Variants in PMM2 observed in about 807,000 individuals in gnomAD.
The protein encoded by PMM2 is phosphomannomutase 2.
A neutral mutation model predicts 33.2 loss-of-function variants in PMM2; 35 were observed. The observed-to-expected ratio is 1.06, with a 90% CI of 0.81 to 1.40. The LOEUF (loss-of-function observed/expected upper bound fraction) is 1.40, where lower values mean the gene tolerates loss of function less well. PMM2 is among the 40% of genes most tolerant of loss of function. The probability of loss-of-function intolerance (pLI) is 0.00; values close to 1 mark genes in which losing one functional copy is unlikely to be tolerated. For synonymous variants in PMM2, 153 were observed against 114.7 expected (o/e 1.33, Z -2.13); for missense variants, 386 against 306.0 (o/e 1.26, Z -1.95).
intron 7 of PMM2, among the ~76,000 whole-genome samples, chr16:8,835,616 C>G (rs982663619): frequency 1.3e-5 from 2 of 151,988 alleles, no homozygotes; most frequent in African/African-American, 2.4e-5. Context: ...TGGTTGATAA[C>G]GCGCAGATTC....
At chr16:8,838,313 T>C (rs183636346) in intron 7 of PMM2, among the ~76,000 whole-genome samples, 20 of 152,238 alleles carry the variant, frequency 1.3e-4, no homozygotes, top group Non-Finnish European at 2.6e-4. Flanking sequence ...ACTTCTTTTG[T>C]GGATCTTCAT....
chr16:8,813,211 C>G, intron 7 of PMM2, 105 bp downstream of exon 7: 1 of 788,516 alleles, frequency 1.3e-6, no homozygotes, highest in Non-Finnish European at 2.3e-6. Flanking sequence ...CCCACCCGCC[C>G]TGCTCAAACT....
chr16:8,839,484 G>A (rs1056227345), intron 7 of PMM2, among the ~76,000 whole-genome samples: 1 of 151,972 alleles, frequency 6.6e-6, no homozygotes, highest in African/African-American at 2.4e-5. Context: ...ATGAGAAAAC[G>A]TTGAGTATCT....
chr16:8,811,003 AT>A, intron 4 of PMM2, 75 bp from the exon 5 acceptor site: 1 of 830,152 alleles, frequency 1.2e-6, no homozygotes, highest in Non-Finnish European at 2.0e-6. Context: ...ATTTCCCAAG[AT>A]TTTAGGCTGT....
intron 4 of PMM2, chr16:8,809,339 A>G (rs889633955): frequency 6.6e-6 from 1 of 152,270 alleles, no homozygotes. Context: ...TTTTCACTGC[A>G]TAGTTTGTCA....
chr16:8,816,474 C>G (rs1272040679), intron 7 of PMM2, among the ~76,000 whole-genome samples: 2 of 151,464 alleles, frequency 1.3e-5, no homozygotes, highest in Non-Finnish European at 2.9e-5. Flanking sequence ...GGTGCGGTGG[C>G]TCACACCTAT....
At chr16:8,816,021 A>G (rs1466960787) in intron 7 of PMM2, among the ~76,000 whole-genome samples, 9 of 152,222 alleles carry the variant, frequency 5.9e-5, no homozygotes, top group Non-Finnish European at 1.3e-4. Flanking sequence ...CAAAGAAGAC[A>G]TGCAGATGGC....
chr16:8,798,820 A>G lies in PMM2; in HGVS notation c.66+872A>G, dbSNP rs150174406. On this transcript the variant is annotated intron_variant, in intron 1 of 7. Transcript: ENST00000268261. ...GGACCCCAATGGTCTCACTATCCTC[A>G]GCTTCTACCCTCACCCCTCATAGTT... Among the ~76,000 whole-genome samples the G allele has an allele frequency of 2.5e-3, 380 of 152,228 alleles. 3 individuals are homozygous for G. The highest frequency in any genetic ancestry group is 8.7e-3 in the African/African-American group (363 of 41,548).
intron 7 of PMM2, among the ~76,000 whole-genome samples, chr16:8,824,377 A>C (rs1335997450): frequency 2.6e-5 from 4 of 152,196 alleles, no homozygotes; most frequent in Non-Finnish European, 4.4e-5. Flanking sequence ...TGGGTAACAA[A>C]AGTCTCAGGA....
chr16:8,802,064 C>A, intron 2 of PMM2, 154 bp downstream of exon 2: 1 of 636,904 alleles, frequency 1.6e-6, no homozygotes, highest in East Asian at 3.2e-5. Flanking sequence ...TTTGCTTTTC[C>A]TCTGCTTTTA....
In PMM2 at chr16:8,847,951, A is replaced by T; in HGVS notation, c.*126A>T. ...CTAGGCAGGCTCTGCATGCTATGCCAGGCATGTGCAGTCTGGACTTCCACC... is the reference window on the plus strand; with the variant it reads ...CTAGGCAGGCTCTGCATGCTATGCCTGGCATGTGCAGTCTGGACTTCCACC... On this transcript the variant is annotated 3_prime_UTR_variant, in exon 8 of 8. Coordinates refer to ENST00000268261, the MANE Select transcript of PMM2 (RefSeq NM_000303.3). 1 of 698,772 alleles carries T rather than the reference A, an allele frequency of 1.4e-6. No individual in the cohort carries two copies. The highest frequency in any genetic ancestry group is 2.6e-6 in the Non-Finnish European group (1 of 391,802). The allele number at this position is 698,772 out of a possible 1,614,324, so 43.3% of individuals were successfully genotyped here. A position where few individuals can be genotyped will look rare whatever the true frequency, so the allele number is the denominator to read the frequency against.
chr16:8,814,498 C>T (rs1290450383), intron 7 of PMM2, among the ~76,000 whole-genome samples: 1 of 152,104 alleles, frequency 6.6e-6, no homozygotes, highest in East Asian at 1.9e-4. Flanking sequence ...TAAGATCTAC[C>T]CATGAAAGAT....
At chr16:8,799,917 T>C (rs535123251) in intron 1 of PMM2, among the ~76,000 whole-genome samples, 1 of 152,326 alleles carries the variant, frequency 6.6e-6, no homozygotes, top group East Asian at 1.9e-4. Flanking sequence ...GTAGAAAAGA[T>C]TGCACTCTAT....
At chr16:8,843,055 A>G (rs1381521204) in intron 7 of PMM2, among the ~76,000 whole-genome samples, 5 of 152,172 alleles carry the variant, frequency 3.3e-5, no homozygotes, top group Admixed American at 2.0e-4. Flanking sequence ...TGCTTAAAAT[A>G]TCTCGGCCTA....
intron 7 of PMM2, among the ~76,000 whole-genome samples, chr16:8,813,807 C>G (rs1474742444): frequency 6.6e-6 from 1 of 150,956 alleles, no homozygotes; most frequent in Non-Finnish European, 1.5e-5. Context: ...ATCAAAGGCC[C>G]AAGAGGAGGC....
Position 8,849,204 on chromosome 16 carries a change from AAGC to A in PMM2, c.*1383_*1385del, listed in dbSNP as rs760848699. On this transcript the variant is annotated 3_prime_UTR_variant, in exon 8 of 8. Transcript: ENST00000268261. The stretch of plus-strand genomic sequence containing the variant: ...CTGAGCCCCGGATCCGGTGGGGTGA[AAGC>A]AGCCAGCTCATCCCAGTGACTCACA... 2.0e-5 allele frequency: 3 copies of A among 152,276 alleles called. No individual in the cohort carries two copies. Among genetic ancestry groups the A allele is most frequent in the Non-Finnish European group, 4.4e-5 (3 of 68,104 alleles). 9.4% of individuals were successfully genotyped at this position (152,276 alleles called of 1,614,324 possible). A position where few individuals can be genotyped will look rare whatever the true frequency, so the allele number is the denominator to read the frequency against.
intron 7 of PMM2, among the ~76,000 whole-genome samples, chr16:8,816,701 A>G (rs906847693): frequency 6.6e-6 from 1 of 152,100 alleles, no homozygotes; most frequent in African/African-American, 2.4e-5. Flanking sequence ...AGATTGTGCC[A>G]TTGTACTCCA....
chr16:8,841,844 G>A (rs955449074), intron 7 of PMM2, among the ~76,000 whole-genome samples: 1 of 147,304 alleles, frequency 6.8e-6, no homozygotes, highest in African/African-American at 2.5e-5. Context: ...GTAATTGTGG[G>A]ACTTAACAAA....
At chr16:8,828,025 C>CTTTT (rs71153002) in intron 7 of PMM2, among the ~76,000 whole-genome samples, 2,107 of 66,468 alleles carry the variant, frequency 0.032, 123 homozygotes, top group African/African-American at 0.037. Flanking sequence ...CTGTAGAACT[C>CTTTT]TTTTTTTTTT....
Sources: allele counts gnomAD v4.1 joint callset (sites outside exome capture counted in the v4.1 genomes callset), GRCh38; gene constraint gnomAD v4.1.1; transcripts MANE v1.5; gene names NCBI Gene and HGNC (gene_info 2026-07-23, HGNC 2026-07-21).